The following FKBP14 variants were observed in gnomAD, a reference collection of about 807,000 sequenced individuals.
The protein encoded by FKBP14 is FKBP prolyl isomerase 14.
In FKBP14, 20 loss-of-function variants were observed where a neutral mutation model predicts 21.6. The ratio of observed to expected loss-of-function variants is 0.92; its 90% CI spans 0.65 to 1.34. The LOEUF (loss-of-function observed/expected upper bound fraction) is 1.34, where lower values mean the gene tolerates loss of function less well. FKBP14 is among the 40% of genes most tolerant of loss of function. The pLI is 0.00. For missense variants in FKBP14, 253 were observed against 249.0 expected (o/e 1.02, Z -0.11); for synonymous variants, 79 against 86.7 (o/e 0.91, Z 0.49).
Position 30,013,072 on chromosome 7 carries a change from A to G in FKBP14, c.*1663T>C, listed in dbSNP as rs887671288. 1.3e-5 allele frequency: 2 copies of G among 152,346 alleles called. No homozygotes were observed. The highest frequency in any genetic ancestry group is 3.9e-4 in the East Asian group (2 of 5,186). The allele number at this position is 152,346 out of a possible 1,614,324, so 9.4% of individuals were successfully genotyped here. ...ACTCAGAGCCATGAAAAGCGAAGAT[A>G]ATAATGCACTTAATATCATTTTGTA... On this transcript the variant is annotated 3_prime_UTR_variant, in exon 4 of 4. Transcript: ENST00000222803.
rs746979187 is a variant in FKBP14 at position 30,014,746 on chromosome 7, C to A, written c.625G>T (p.Asp209Tyr). Residue 209 changes from aspartate to tyrosine, a missense_variant, in exon 4 of 4, where the codon GAT (aspartate) becomes TAT (tyrosine). By Grantham distance (160) the Asp-to-Tyr change is radical. Transcript: ENST00000222803. Reference protein sequence around the residue: ...ISAREFTYKHDEL With the variant: ...ISAREFTYKHYEL Reference sequence around the variant, plus strand: ...GGGTAGATGTATCTCTATAACTCATCGTGTTTATATGTAAATTCTCTGGCA... The same window carrying A: ...GGGTAGATGTATCTCTATAACTCATAGTGTTTATATGTAAATTCTCTGGCA... 1 of 1,596,678 alleles carries A rather than the reference C, an allele frequency of 6.3e-7. No individual in the cohort carries two copies. The highest frequency in any genetic ancestry group is 1.1e-5 in the South Asian group (1 of 87,428).
intron 1 of FKBP14, among the ~76,000 whole-genome samples, chr7:30,026,089 T>A (rs776934591): frequency 4.6e-5 from 7 of 152,254 alleles, no homozygotes; most frequent in Non-Finnish European, 8.8e-5. Flanking sequence ...ATAAAAAAAA[T>A]TAACAGCCTT....
downstream of FKBP14, among the ~76,000 whole-genome samples, chr7:30,008,947 C>CAA (rs1015375422): frequency 8.7e-6 from 1 of 114,636 alleles, no homozygotes. Context: ...AATCCGTCTC[C>CAA]AAAAAAAAAA....
intron 3 of FKBP14, among the ~76,000 whole-genome samples, chr7:30,015,372 T>C (rs1181506273): frequency 6.6e-6 from 1 of 151,730 alleles, no homozygotes; most frequent in Non-Finnish European, 1.5e-5. Flanking sequence ...GAATCGAGAT[T>C]GCGCTGCTGC....
chr7:30,021,586 G>A (rs779793602), intron 2 of FKBP14, among the ~76,000 whole-genome samples: 80 of 149,232 alleles, frequency 5.4e-4, no homozygotes, highest in Non-Finnish European at 9.5e-4. Context: ...GATGGAGTTT[G>A]GCTCTGTCCC....
At position 30,010,846 on chromosome 7, in the gene FKBP14, T is replaced by A. The variant is rs1789704042; in HGVS notation, c.*3889A>T. 6.6e-6 allele frequency: 1 copy of A among 152,150 alleles called. No individual in the cohort carries two copies. The allele number at this position is 152,150 out of a possible 1,614,324, so 9.4% of individuals were successfully genotyped here. A position where few individuals can be genotyped will look rare whatever the true frequency, so the allele number is the denominator to read the frequency against. Reference sequence around the variant, plus strand: ...TGTCTTGGTTTTTGACCAAAAAGTTTAAAAATTCAAAATTTAAATAGATAA... The same window carrying A: ...TGTCTTGGTTTTTGACCAAAAAGTTAAAAAATTCAAAATTTAAATAGATAA... On this transcript the variant is annotated 3_prime_UTR_variant, in exon 4 of 4. Coordinates refer to ENST00000222803, the MANE Select transcript of FKBP14 (RefSeq NM_017946.4).
chr7:30,020,002 GAAACAAACAAAC>G lies in FKBP14; in HGVS notation c.350-891_350-880del, dbSNP rs377064781. 2.1e-3 allele frequency among the ~76,000 whole-genome samples: 322 copies of G among 152,100 alleles called. 1 individual carries two copies. The highest frequency in any genetic ancestry group is 6.7e-3 in the African/African-American group (277 of 41,534). On this transcript the variant is annotated intron_variant, in intron 2 of 3. Transcript: ENST00000222803. ...AGCTTTGTTAAAATCCCAGGAACCTGAAACAAACAAACAAACAAACAAACACACCCATCTGTG... is the reference window on the plus strand; with the variant it reads ...AGCTTTGTTAAAATCCCAGGAACCTGAAACAAACAAACACACCCATCTGTG...
chr7:30,008,550 ATC>A (rs1367294553), downstream of FKBP14, among the ~76,000 whole-genome samples: 2 of 150,692 alleles, frequency 1.3e-5, 1 homozygote, highest in Middle Eastern at 6.5e-3. Context: ...GTGAAACCCA[ATC>A]TCTACTAAAA....
chr7:30,022,445 T>G (rs1790055799), intron 2 of FKBP14: 1 of 435,554 alleles, frequency 2.3e-6, no homozygotes, highest in Admixed American at 3.9e-5. Context: ...TAGACCTCAA[T>G]GTTCTTTTTT....
chr7:30,018,360 G>A (rs548653096), intron 3 of FKBP14, among the ~76,000 whole-genome samples: 6 of 152,332 alleles, frequency 3.9e-5, no homozygotes, highest in East Asian at 3.9e-4. Flanking sequence ...TTCTTTCCCC[G>A]CAGCAGCCAG....
At chr7:30,025,829 G>A (rs1471726878) in intron 1 of FKBP14, among the ~76,000 whole-genome samples, 2 of 152,154 alleles carry the variant, frequency 1.3e-5, no homozygotes, top group African/African-American at 4.8e-5. Context: ...AAAAGAAGTA[G>A]GTCAGTGAAA....
intron 3 of FKBP14, among the ~76,000 whole-genome samples, chr7:30,015,915 G>A (rs987405229): frequency 2.7e-5 from 4 of 150,834 alleles, no homozygotes; most frequent in Non-Finnish European, 5.9e-5. Flanking sequence ...GTGAGCCACC[G>A]CGCCCGGCCT....
intron 1 of FKBP14, chr7:30,025,434 C>A (rs367730779): frequency 1.3e-5 from 2 of 152,326 alleles, no homozygotes; most frequent in East Asian, 3.9e-4. Flanking sequence ...GCCATCTTTG[C>A]GTCTCCAGGA....
At position 30,026,700 on chromosome 7, in the gene FKBP14, A is replaced by G. The variant is rs969624986; in HGVS notation, c.-192T>C. The G allele has an allele frequency of 5.9e-6, 3 of 510,078 alleles. No homozygotes were observed. The highest frequency in any genetic ancestry group is 5.7e-5 in the African/African-American group (3 of 52,828). The allele number at this position is 510,078 out of a possible 1,614,324, so 31.6% of individuals were successfully genotyped here. A position where few individuals can be genotyped will look rare whatever the true frequency, so the allele number is the denominator to read the frequency against. ...TCACGAACCTACCTTTAAAGAGTTA[A>G]GCCCAAATGCCGGCCTGACTGGCTC... On this transcript the variant is annotated 5_prime_UTR_variant, in exon 1 of 4. Coordinates refer to ENST00000222803, the MANE Select transcript of FKBP14 (RefSeq NM_017946.4).
In FKBP14 at chr7:30,013,352, C is replaced by G. The variant is rs1184740661; in HGVS notation, c.*1383G>C. ...GCAACCTCCGCCTCCCGGGTTCAAG[C>G]AAATCTCCTGTCTCAGCCTCCCGAG... On this transcript the variant is annotated 3_prime_UTR_variant, in exon 4 of 4. Transcript: ENST00000222803. 6.6e-6 allele frequency: 1 copy of G among 151,752 alleles called. No homozygotes were observed. The highest frequency in any genetic ancestry group is 1.5e-5 in the Non-Finnish European group (1 of 68,052). The allele number at this position is 151,752 out of a possible 1,614,324, so 9.4% of individuals were successfully genotyped here.
At chr7:30,026,270 G>T in intron 1 of FKBP14, 42 bp downstream of exon 1, 6 of 1,543,524 alleles carry the variant, frequency 3.9e-6, no homozygotes, top group South Asian at 1.2e-5. Context: ...TAAGTGAGTG[G>T]ATTCTTAATT....
chr7:30,008,964 T>C (rs1249466143), downstream of FKBP14, among the ~76,000 whole-genome samples: 1 of 149,078 alleles, frequency 6.7e-6, no homozygotes, highest in Non-Finnish European at 1.5e-5. Flanking sequence ...AAAAAAAGAA[T>C]GCTAAGGATG....
chr7:30,007,316 TCTC>T (rs1562832926), downstream of FKBP14, among the ~76,000 whole-genome samples: 1 of 151,380 alleles, frequency 6.6e-6, no homozygotes, highest in African/African-American at 2.4e-5. Flanking sequence ...TTCAAGCAAT[TCTC>T]CTGCCTCAGC....
intron 2 of FKBP14, 26 bp downstream of exon 2, chr7:30,022,639 T>A (rs1455254121): frequency 1.2e-6 from 2 of 1,601,820 alleles, no homozygotes; most frequent in Middle Eastern, 1.7e-4. Flanking sequence ...AGTGCTATAG[T>A]AAGAAAAATA....
Sources: gnomAD v4.1 joint callset for allele counts (sites outside exome capture counted in the v4.1 genomes callset) on GRCh38, gnomAD v4.1.1 for gene constraint, MANE v1.5 for transcripts, NCBI Gene and HGNC (gene_info 2026-07-23, HGNC 2026-07-21) for gene names.